AUTS2: variants seen among roughly 807,000 people sequenced by gnomAD.
AUTS2 encodes the protein activator of transcription and developmental regulator AUTS2.
In AUTS2, 17 loss-of-function variants were observed where a neutral mutation model predicts 112.4. The ratio of observed to expected loss-of-function variants is 0.15; its 90% CI spans 0.10 to 0.23. The LOEUF is 0.23. AUTS2 is among the 10% of genes least tolerant of loss of function. AUTS2 has a pLI of 1.00. For synonymous variants in AUTS2, 751 were observed against 702.7 expected, an observed-to-expected ratio of 1.07 and a Z score of -1.09; for missense variants, 1,510 against 1,701.6, an observed-to-expected ratio of 0.89 and a Z score of 1.98.
At chr7:70,758,573 T>A (rs1412689807) in intron 6 of AUTS2, among the ~76,000 whole-genome samples, 8 of 152,254 alleles carry the variant, frequency 5.3e-5, no homozygotes. Flanking sequence ...GCATGTATTT[T>A]AGTATAAGCA....
intron 4 of AUTS2, among the ~76,000 whole-genome samples, chr7:70,413,249 A>G (rs561278295): frequency 2.0e-5 from 3 of 152,308 alleles, no homozygotes; most frequent in Admixed American, 2.0e-4. Flanking sequence ...CATTTCTGAA[A>G]TGACTATCTC....
chr7:69,779,902 C>T (rs1197341584), intron 1 of AUTS2, among the ~76,000 whole-genome samples: 1 of 152,004 alleles, frequency 6.6e-6, no homozygotes, highest in Non-Finnish European at 1.5e-5. Flanking sequence ...GTCACCCAGG[C>T]TGGAGTACAG....
chr7:70,062,091 T>C (rs1802276295), intron 2 of AUTS2, among the ~76,000 whole-genome samples: 1 of 151,202 alleles, frequency 6.6e-6, no homozygotes, highest in African/African-American at 2.4e-5. Context: ...CCCAGCCGAG[T>C]TGTTTCTTCC....
At chr7:70,290,785 G>C (rs1250615155) in intron 4 of AUTS2, 4 of 554,832 alleles carry the variant, frequency 7.2e-6, no homozygotes, top group Non-Finnish European at 1.0e-5. Flanking sequence ...TTTTTTAAAA[G>C]AGTGCTGCTT....
intron 4 of AUTS2, among the ~76,000 whole-genome samples, chr7:70,215,711 T>C (rs1389501276): frequency 1.3e-5 from 2 of 152,158 alleles, no homozygotes; most frequent in Non-Finnish European, 2.9e-5. Context: ...ATGATGTAAC[T>C]TTTAGGTTTC....
At chr7:70,387,739 T>C (rs1207225464) in intron 4 of AUTS2, among the ~76,000 whole-genome samples, 1 of 152,236 alleles carries the variant, frequency 6.6e-6, no homozygotes, top group Non-Finnish European at 1.5e-5. Context: ...TTTTTTATTC[T>C]ATTGAAGCTG....
chr7:69,764,943 A>G (rs1271865036), intron 1 of AUTS2, among the ~76,000 whole-genome samples: 1 of 152,120 alleles, frequency 6.6e-6, no homozygotes, highest in East Asian at 1.9e-4. Context: ...CCAAAACACA[A>G]CAGTCTTTCT....
chr7:70,313,677 T>C (rs961934671), intron 4 of AUTS2, among the ~76,000 whole-genome samples: 2 of 152,160 alleles, frequency 1.3e-5, no homozygotes, highest in Non-Finnish European at 2.9e-5. Flanking sequence ...ACTTGTAGCA[T>C]CCATCAGCCA....
rs572172462 is a variant in AUTS2, at chr7:69,598,633, AGCGGCG to A, written c.-1006_-1001del. 3.4e-5 allele frequency: 5 copies of A among 148,750 alleles called. No homozygotes were observed. Among genetic ancestry groups the A allele is most frequent in the South Asian group, 1.2e-4 (1 of 8,564 alleles). The allele number at this position is 148,750 out of a possible 1,614,324, so 9.2% of individuals were successfully genotyped here. A position where few individuals can be genotyped will look rare whatever the true frequency, so the allele number is the denominator to read the frequency against. The stretch of plus-strand genomic sequence containing the variant: ...CTCCCTCAGGCGGGGCGGCGAGAGA[AGCGGCG>A]GCGGCGGCGGCGGCACACCGGTGTC... On this transcript the variant is annotated 5_prime_UTR_variant, in exon 1 of 19. Coordinates refer to ENST00000342771, the MANE Select transcript of AUTS2 (RefSeq NM_015570.4).
chr7:70,149,095 C>G (rs1807288246), intron 4 of AUTS2, among the ~76,000 whole-genome samples: 1 of 152,066 alleles, frequency 6.6e-6, no homozygotes, highest in Admixed American at 6.6e-5. Flanking sequence ...GAGGTCAGAA[C>G]TACTTCCATA....
At chr7:70,640,421 GAA>G (rs57911940) in intron 5 of AUTS2, among the ~76,000 whole-genome samples, 397 of 93,638 alleles carry the variant, frequency 4.2e-3, no homozygotes, top group African/African-American at 0.016. Context: ...CTCACAGGGG[GAA>G]AAAAAAAAAA....
intron 5 of AUTS2, among the ~76,000 whole-genome samples, chr7:70,659,221 G>T (rs540174013): frequency 6.6e-6 from 1 of 152,192 alleles, no homozygotes; most frequent in African/African-American, 2.4e-5. Flanking sequence ...GAATTCCCGC[G>T]GCCCTTGCAG....
chr7:69,844,778 C>T (rs1471959688), intron 1 of AUTS2, among the ~76,000 whole-genome samples: 1 of 152,140 alleles, frequency 6.6e-6, no homozygotes, highest in Non-Finnish European at 1.5e-5. Flanking sequence ...TAGATCTTAG[C>T]CCTGGCATTT....
intron 6 of AUTS2, among the ~76,000 whole-genome samples, chr7:70,735,257 G>A (rs1009946760): frequency 2.0e-5 from 3 of 152,128 alleles, no homozygotes; most frequent in Non-Finnish European, 2.9e-5. Context: ...GCCTCACTTC[G>A]ACCTTTCTGA....
chr7:69,999,283 AT>A (rs1309496537), intron 2 of AUTS2, among the ~76,000 whole-genome samples: 1 of 152,116 alleles, frequency 6.6e-6, no homozygotes, highest in Non-Finnish European at 1.5e-5. Context: ...TGTTGCCTGA[AT>A]CTGAAGGCAT....
At chr7:70,376,787 C>T (rs190892663) in intron 4 of AUTS2, among the ~76,000 whole-genome samples, 1 of 150,692 alleles carries the variant, frequency 6.6e-6, no homozygotes, top group East Asian at 2.0e-4. Flanking sequence ...GTAACAGTTT[C>T]ACATTGTCTT....
intron 5 of AUTS2, among the ~76,000 whole-genome samples, chr7:70,588,564 G>A (rs1316235792): frequency 6.6e-6 from 1 of 152,180 alleles, no homozygotes; most frequent in Non-Finnish European, 1.5e-5. Flanking sequence ...GAAAACAGAT[G>A]AGCTGGTGGA....
At chr7:70,026,714 A>AG (rs1341347607) in intron 2 of AUTS2, among the ~76,000 whole-genome samples, 3 of 152,166 alleles carry the variant, frequency 2.0e-5, no homozygotes, top group African/African-American at 7.2e-5. Flanking sequence ...TTTTGAAGGA[A>AG]ATAGACATTA....
chr7:70,439,237 G>A (rs1177941528), intron 5 of AUTS2, among the ~76,000 whole-genome samples: 2 of 152,088 alleles, frequency 1.3e-5, no homozygotes, highest in African/African-American at 2.4e-5. Flanking sequence ...CCACAAGGAC[G>A]TTCATGAAGA....
Sources: gnomAD v4.1 joint callset for allele counts (sites outside exome capture counted in the v4.1 genomes callset) on GRCh38, gnomAD v4.1.1 for gene constraint, MANE v1.5 for transcripts, NCBI Gene and HGNC (gene_info 2026-07-23, HGNC 2026-07-21) for gene names.